Variants in ASIC2 observed in about 807,000 individuals in gnomAD.
The protein encoded by ASIC2 is acid-sensing ion channel 2.
Under a neutral mutation model 57.3 loss-of-function variants are expected in ASIC2, and 25 were observed. The ratio of observed to expected loss-of-function variants is 0.44; its 90% confidence interval spans 0.32 to 0.61. The LOEUF (loss-of-function observed/expected upper bound fraction) is 0.61. Ranked by LOEUF, ASIC2 falls within the 20% of genes least tolerant of loss-of-function variation. The pLI is 0.06. For missense variants in ASIC2, 641 were observed against 738.1 expected (o/e 0.87, Z 1.52); for synonymous variants, 319 against 307.5 (o/e 1.04, Z -0.39).
intron 3 of ASIC2, among the ~76,000 whole-genome samples, chr17:33,067,641 C>G (rs1424912576): frequency 2.0e-5 from 3 of 152,250 alleles, no homozygotes; most frequent in East Asian, 3.9e-4. Context: ...CCAAGGGTGT[C>G]TAAGTGAGGG....
chr17:34,098,325 A>G (rs1041294627), intron 1 of ASIC2, among the ~76,000 whole-genome samples: 4 of 152,236 alleles, frequency 2.6e-5, no homozygotes, highest in African/African-American at 9.6e-5. Context: ...ACTTGATGAC[A>G]TCAAGTGAAC....
At chr17:33,425,302 C>G (rs905753) in intron 1 of ASIC2, among the ~76,000 whole-genome samples, 111,917 of 152,152 alleles carry the variant, frequency 0.74, 41,773 homozygotes, top group Non-Finnish European at 0.8. Context: ...AGAAAGGAAA[C>G]AGAAGAAGGA....
intron 1 of ASIC2, among the ~76,000 whole-genome samples, chr17:34,061,310 C>T (rs560021474): frequency 3.9e-5 from 6 of 152,114 alleles, no homozygotes; most frequent in Non-Finnish European, 7.4e-5. Flanking sequence ...AGAGAATTTG[C>T]CATTACCAAG....
intron 1 of ASIC2, among the ~76,000 whole-genome samples, chr17:33,311,186 A>T (rs1181251681): frequency 6.6e-6 from 1 of 152,102 alleles, no homozygotes; most frequent in Non-Finnish European, 1.5e-5. Context: ...ATCTCATCTG[A>T]TTTTTTCAAC....
At chr17:33,835,095 G>A (rs1236529550) in intron 1 of ASIC2, among the ~76,000 whole-genome samples, 1 of 152,232 alleles carries the variant, frequency 6.6e-6, no homozygotes, top group African/African-American at 2.4e-5. Flanking sequence ...CACATTGTGA[G>A]ATTGTAATTC....
Position 33,013,897 on chromosome 17 carries a change from C to T in ASIC2, c.*68G>A. The T allele has an allele frequency of 2.2e-6, 3 of 1,356,634 alleles. No individual in the cohort carries two copies. Among genetic ancestry groups the T allele is most frequent in the Non-Finnish European group, 3.1e-6 (3 of 969,054 alleles). 84.0% of individuals were successfully genotyped at this position (1,356,634 alleles called of 1,614,324 possible). A position where few individuals can be genotyped will look rare whatever the true frequency, so the allele number is the denominator to read the frequency against. On this transcript the variant is annotated 3_prime_UTR_variant, in exon 10 of 10. Transcript: ENST00000225823. ...ACTGGGGCCATCCCACCTGAGCTTG[C>T]TGTTCCTTGTCCTGGGTCTTGGGCC...
At chr17:33,602,591 A>G (rs949962703) in intron 1 of ASIC2, among the ~76,000 whole-genome samples, 2 of 152,196 alleles carry the variant, frequency 1.3e-5, no homozygotes, top group Non-Finnish European at 2.9e-5. Context: ...TTATAGCAGC[A>G]CAAAATAAAT....
intron 1 of ASIC2, among the ~76,000 whole-genome samples, chr17:34,127,766 T>C (rs539382174): frequency 7.3e-4 from 111 of 152,184 alleles, no homozygotes; most frequent in Non-Finnish European, 1.2e-3. Flanking sequence ...AACTCAAGAA[T>C]ACAAGAAACT....
chr17:33,470,463 A>C (rs569170808), intron 1 of ASIC2, among the ~76,000 whole-genome samples: 79 of 148,258 alleles, frequency 5.3e-4, no homozygotes, highest in South Asian at 1.1e-3. Context: ...GCAGGCTTAA[A>C]AAATCTCCTG....
At chr17:34,004,688 C>A (rs899916009) in intron 1 of ASIC2, 1 of 152,156 alleles carries the variant, frequency 6.6e-6, no homozygotes, top group African/African-American at 2.4e-5. Flanking sequence ...ATAGTTAGGA[C>A]AAAGACTAAA....
intron 1 of ASIC2, among the ~76,000 whole-genome samples, chr17:33,803,521 TAGA>T (rs903835653): frequency 1.4e-4 from 21 of 151,628 alleles, no homozygotes; most frequent in African/African-American, 4.8e-4. Context: ...TGTTTACTCC[TAGA>T]AGAAGAAATA....
At chr17:33,798,984 T>C (rs1912001322) in intron 1 of ASIC2, among the ~76,000 whole-genome samples, 1 of 152,150 alleles carries the variant, frequency 6.6e-6, no homozygotes, top group Admixed American at 6.5e-5. Flanking sequence ...GACCCAGCCA[T>C]CTCTGTGTCC....
At position 33,292,975 on chromosome 17, in the gene ASIC2, G is replaced by T. The variant is rs992303747; in HGVS notation, c.-860C>A. The T allele has an allele frequency of 1.8e-5, 18 of 985,420 alleles. No homozygotes were observed. The highest frequency in any genetic ancestry group is 2.2e-5 in the Non-Finnish European group (18 of 830,016). 61.0% of individuals were successfully genotyped at this position (985,420 alleles called of 1,614,324 possible). A position where few individuals can be genotyped will look rare whatever the true frequency, so the allele number is the denominator to read the frequency against. ...GCAGGGAAGTGTCGCTTCTCGCCTC[G>T]GCTCTCCCAGGTGCCTCGCGTCTCC... On this transcript the variant is annotated 5_prime_UTR_variant, in exon 1 of 10. Transcript: ENST00000225823.
chr17:33,293,149 C>T lies in ASIC2; in HGVS notation c.-1034G>A, dbSNP rs555359931. ...TTCTCCTCTCGAGACTCCGAGCTCG[C>T]GGTGGCCGTGACGCCGGCTAAGCTC... On this transcript the variant is annotated 5_prime_UTR_variant, in exon 1 of 10. Transcript: ENST00000225823. Among the ~76,000 whole-genome samples, 2 of 152,360 alleles carry T rather than the reference C, an allele frequency of 1.3e-5. No individual in the cohort carries two copies. Among genetic ancestry groups the T allele is most frequent in the South Asian group, 4.1e-4 (2 of 4,830 alleles).
At chr17:33,205,946 A>G (rs1438984700) in intron 1 of ASIC2, among the ~76,000 whole-genome samples, 1 of 152,234 alleles carries the variant, frequency 6.6e-6, no homozygotes, top group Non-Finnish European at 1.5e-5. Flanking sequence ...ACAAGAATGC[A>G]CATAGTTACA....
At chr17:33,687,440 T>A (rs1193428056) in intron 1 of ASIC2, among the ~76,000 whole-genome samples, 1 of 152,198 alleles carries the variant, frequency 6.6e-6, no homozygotes, top group South Asian at 2.1e-4. Flanking sequence ...TCAGGATAGA[T>A]TCTTCCAACA....
At chr17:34,036,411 T>C (rs1907880865) in intron 1 of ASIC2, among the ~76,000 whole-genome samples, 2 of 148,132 alleles carry the variant, frequency 1.4e-5, no homozygotes, top group African/African-American at 4.9e-5. Flanking sequence ...TTAGGAGATA[T>C]ACCTAATGTT....
At chr17:33,906,811 C>T (rs1446888371) in intron 1 of ASIC2, among the ~76,000 whole-genome samples, 2 of 152,170 alleles carry the variant, frequency 1.3e-5, no homozygotes, top group African/African-American at 4.8e-5. Context: ...GGGATCTTAA[C>T]GAGGAGGCTG....
In ASIC2 at chr17:34,078,835, C is replaced by G. The variant is rs1909770250; in HGVS notation, c.555+77143G>C. On this transcript the variant is annotated intron_variant, in intron 1 of 9. Transcript: ENST00000359872. ...ACTATCTGGTCCCACCACAGCAGACCCTGGGTCTGCAAGAGATTCTACATC... is the reference window on the plus strand; with the variant it reads ...ACTATCTGGTCCCACCACAGCAGACGCTGGGTCTGCAAGAGATTCTACATC... 4 of 152,306 alleles carry G rather than the reference C, an allele frequency of 2.6e-5. No individual in the cohort carries two copies. The South Asian group carries it at 8.3e-4, about 32-fold the overall frequency. The allele number at this position is 152,306 out of a possible 1,614,324, so 9.4% of individuals were successfully genotyped here.
Sources: gnomAD v4.1 joint callset for allele counts (sites outside exome capture counted in the v4.1 genomes callset) on GRCh38, gnomAD v4.1.1 for gene constraint, MANE v1.5 for transcripts, NCBI Gene and HGNC (gene_info 2026-07-23, HGNC 2026-07-21) for gene names.